The following SMARCA1 variants were observed in gnomAD, a reference collection of about 807,000 sequenced individuals.
The protein encoded by SMARCA1 is SNF2 related chromatin remodeling ATPase 1.
A neutral mutation model predicts 93.6 loss-of-function variants in SMARCA1; 17 were observed. The observed-to-expected ratio is 0.18, with a 90% CI of 0.12 to 0.27. The LOEUF is 0.27. Among genes scored for constraint, SMARCA1 ranks in the 10% least tolerant of loss-of-function variants. SMARCA1 has a pLI of 1.00. For synonymous variants in SMARCA1, 271 were observed against 271.4 expected (o/e 1.00, Z 0.01); for missense variants, 630 against 819.0 (o/e 0.77, Z 2.82).
intron 16 of SMARCA1, among the ~76,000 whole-genome samples, chrX:129,488,580 C>G (rs1933992917): frequency 1.0e-5 from 1 of 99,491 alleles, no homozygotes; most frequent in African/African-American, 3.8e-5. Flanking sequence ...TGCACTCCAG[C>G]CTGGGTGACA....
At chrX:129,471,961 C>T (rs760786897) in intron 19 of SMARCA1, among the ~76,000 whole-genome samples, 2 of 112,070 alleles carry the variant, frequency 1.8e-5, no homozygotes, top group Non-Finnish European at 3.8e-5. Flanking sequence ...CAACAGAAAT[C>T]ATATATGGTG....
chrX:129,462,114 G>C (rs1351412459), intron 23 of SMARCA1, among the ~76,000 whole-genome samples: 1 of 111,719 alleles, frequency 9.0e-6, no homozygotes. Flanking sequence ...CTTTTTATAA[G>C]ATGCATTTCA....
intron 21 of SMARCA1, 58 bp downstream of exon 21, chrX:129,468,715 A>T: frequency 4.6e-6 from 4 of 861,049 alleles, no homozygotes; most frequent in Non-Finnish European, 6.5e-6. Flanking sequence ...AATTAAATTG[A>T]TGCTAAATAA....
At chrX:129,450,154 G>T (rs1228427452) in intron 23 of SMARCA1, among the ~76,000 whole-genome samples, 1 of 111,914 alleles carries the variant, frequency 8.9e-6, no homozygotes, top group Non-Finnish European at 1.9e-5. Flanking sequence ...ACTTTAAGGA[G>T]GTAATTAAGG....
chrX:129,523,380 G>A lies in SMARCA1; in HGVS notation c.-10C>T. Reference sequence around the variant, plus strand: ...CAGTGTCCTGCTCCATGCCGTGGGAGCGGGAACGAGTAGGGGGACAAGGCA... The same window carrying A: ...CAGTGTCCTGCTCCATGCCGTGGGAACGGGAACGAGTAGGGGGACAAGGCA... On this transcript the variant is annotated 5_prime_UTR_variant, in exon 1 of 25. Transcript: ENST00000371121. 2 of 1,157,187 alleles carry A rather than the reference G, an allele frequency of 1.7e-6. No individual in the cohort carries two copies. The highest frequency in any genetic ancestry group is 6.1e-5 in the East Asian group (2 of 32,532).
In SMARCA1 at chrX:129,502,817, G is replaced by A. The variant is rs546487744; in HGVS notation, c.1167+1917C>T. On this transcript the variant is annotated intron_variant, in intron 9 of 24. Coordinates refer to ENST00000371121, the MANE Select transcript of SMARCA1 (RefSeq NM_001282874.2). Reference sequence around the variant, plus strand: ...GGAAAAGACCCAATATGGATGGAGAGGTAGAAAATACAGTCAGTTAAAAAG... The same window carrying A: ...GGAAAAGACCCAATATGGATGGAGAAGTAGAAAATACAGTCAGTTAAAAAG... Among the ~76,000 whole-genome samples the A allele has an allele frequency of 4.5e-5, 5 of 111,169 alleles. No individual in the cohort carries two copies. In the South Asian group the frequency reaches 1.9e-3, roughly 43 times the overall value.
In SMARCA1 at chrX:129,490,129, T is replaced by C; in HGVS notation, c.1879A>G (p.Thr627Ala). ...VRVFRLITDN[T>A]VEERIVERAE... ...CTTTCTACAATCCTCTCTTCAACAGTGTTGTCAGTGATGAGACGGAATACA... is the reference window on the plus strand; with the variant it reads ...CTTTCTACAATCCTCTCTTCAACAGCGTTGTCAGTGATGAGACGGAATACA... Residue 627 changes from threonine (T) to alanine (A), a missense_variant, in exon 15 of 25, where the codon ACT (threonine) becomes GCT (alanine). By Grantham distance (58) the Thr-to-Ala change is moderately conservative. This residue lies in a region of SMARCA1 where 382 missense variants were observed against 537.9 expected (regional missense o/e 0.71). Transcript: ENST00000371121. 8.4e-7 allele frequency: 1 copy of C among 1,184,274 alleles called. No homozygotes were observed. The highest frequency in any genetic ancestry group is 1.1e-6 in the Non-Finnish European group (1 of 870,683).
intron 10 of SMARCA1, 66 bp downstream of exon 10, chrX:129,499,666 C>A: frequency 1.7e-6 from 1 of 590,726 alleles, no homozygotes; most frequent in Non-Finnish European, 2.8e-6. Flanking sequence ...AACTGAACAA[C>A]TACAAAGCTA....
chrX:129,510,256 T>C (rs772814061), intron 6 of SMARCA1, among the ~76,000 whole-genome samples: 6 of 112,730 alleles, frequency 5.3e-5, no homozygotes, highest in Non-Finnish European at 9.4e-5. Flanking sequence ...ATCCTTATTA[T>C]AGTATGAAAC....
At chrX:129,452,916 G>C (rs776877306) in intron 23 of SMARCA1, among the ~76,000 whole-genome samples, 26 of 111,808 alleles carry the variant, frequency 2.3e-4, no homozygotes, top group Non-Finnish European at 4.3e-4. Context: ...TCACATGTTG[G>C]TAATTCTCAC....
intron 7 of SMARCA1, among the ~76,000 whole-genome samples, chrX:129,506,689 C>CAAA (rs1484081895): frequency 0.036 from 1,624 of 44,683 alleles, 35 homozygotes; most frequent in East Asian, 0.077. Context: ...AACTCCGTCT[C>CAAA]AAAAAAAAAA....
chrX:129,484,855 A>G (rs1349595926), intron 17 of SMARCA1, among the ~76,000 whole-genome samples: 2 of 112,418 alleles, frequency 1.8e-5, no homozygotes, highest in Admixed American at 9.4e-5. Context: ...TACATGCTAA[A>G]ATCAGTGAGT....
At chrX:129,507,884 T>C in intron 7 of SMARCA1, 57 bp downstream of exon 7, 2 of 814,906 alleles carry the variant, frequency 2.5e-6, no homozygotes, top group Non-Finnish European at 3.4e-6. Flanking sequence ...TACAGAAAAG[T>C]GAACAAACCA....
intron 23 of SMARCA1, among the ~76,000 whole-genome samples, chrX:129,465,280 A>ACGCATTTCAG (rs1932880711): frequency 8.9e-6 from 1 of 111,754 alleles, no homozygotes; most frequent in Non-Finnish European, 1.9e-5. Context: ...TATACTTATA[A>ACGCATTTCAG]AATATAGATA....
At chrX:129,450,528 C>G (rs923461714) in intron 23 of SMARCA1, among the ~76,000 whole-genome samples, 6 of 111,941 alleles carry the variant, frequency 5.4e-5, no homozygotes, top group African/African-American at 1.9e-4. Context: ...CACCCTTTGA[C>G]CTAGCAATTC....
rs971563017 is a variant in SMARCA1 at position 129,468,806 on chromosome X, C to T, written c.2665G>A (p.Gly889Ser). 1.7e-5 allele frequency: 20 copies of T among 1,184,922 alleles called. No individual in the cohort carries two copies. Among genetic ancestry groups the T allele is most frequent in the African/African-American group, 8.8e-5 (5 of 56,614 alleles). ...TCCATGACCTCCTCAGGGGATTTGCCCTCTACCTCTCGAGCTATGTTATCA... is the reference window on the plus strand; with the variant it reads ...TCCATGACCTCCTCAGGGGATTTGCTCTCTACCTCTCGAGCTATGTTATCA... ...DIDNIAREVE[G>S]KSPEEVMEYS... Residue 889 changes from glycine (G) to serine (S), a missense_variant, in exon 21 of 25, where the codon GGC (glycine) becomes AGC (serine). Transcript: ENST00000371121.
At chrX:129,463,961 C>T (rs940546631) in intron 23 of SMARCA1, among the ~76,000 whole-genome samples, 6 of 111,454 alleles carry the variant, frequency 5.4e-5, no homozygotes, top group African/African-American at 2.0e-4. Context: ...TACCTACATA[C>T]ATACAAAAAT....
intron 19 of SMARCA1, 21 bp downstream of exon 19, chrX:129,480,680 C>G (rs1933612955): frequency 2.6e-6 from 2 of 771,978 alleles, no homozygotes; most frequent in East Asian, 7.7e-5. Flanking sequence ...TTATATTAAT[C>G]TTAAAAAATG....
rs755257663 is a variant in SMARCA1, at chrX:129,465,979, T to C, written c.2699-17A>G. 3.8e-5 allele frequency: 33 copies of C among 858,306 alleles called. No homozygotes were observed. The highest frequency in any genetic ancestry group is 1.7e-6 in the Non-Finnish European group (1 of 604,057). 70.7% of individuals were successfully genotyped at this position (858,306 alleles called of 1,213,427 possible). A position where few individuals can be genotyped will look rare whatever the true frequency, so the allele number is the denominator to read the frequency against. On this transcript the variant is annotated splice_polypyrimidine_tract_variant and intron_variant, in intron 21 of 24. Coordinates refer to ENST00000371121, the MANE Select transcript of SMARCA1 (RefSeq NM_001282874.2). Reference sequence around the variant, plus strand: ...AAAATACAGCTGAAAAACAGAGTTATTTCTTTAAAATCCTATCATTTAAGC... The same window carrying C: ...AAAATACAGCTGAAAAACAGAGTTACTTCTTTAAAATCCTATCATTTAAGC...
Sources: gnomAD v4.1 joint callset for allele counts (sites outside exome capture counted in the v4.1 genomes callset) on GRCh38, gnomAD v4.1.1 for gene constraint, gnomAD v4.1.1 regional missense constraint, MANE v1.5 for transcripts, NCBI Gene and HGNC (gene_info 2026-07-23, HGNC 2026-07-21) for gene names.